The following SMUG1 variants were observed in gnomAD, a reference collection of about 807,000 sequenced individuals.
The protein encoded by SMUG1 is single-strand-selective monofunctional uracil-DNA glycosylase 1, also known as single-strand selective monofunctional uracil DNA glycosylase.
SMUG1 carries 13 observed loss-of-function variants against 23.9 expected under a neutral mutation model. The ratio of observed to expected loss-of-function variants is 0.54; its 90% CI spans 0.35 to 0.86. SMUG1 has a LOEUF of 0.86. SMUG1 is among the 40% of genes least tolerant of loss of function. SMUG1 has a pLI of 0.01. For missense variants in SMUG1, 313 were observed against 339.5 expected, an observed-to-expected ratio of 0.92 and a Z score of 0.61; for synonymous variants, 133 against 139.8, an observed-to-expected ratio of 0.95 and a Z score of 0.34.
rs774085833 is a variant in SMUG1, at chr12:54,181,602, TAAG to T, written c.*491_*493del. The T allele has an allele frequency of 5.7e-6, 9 of 1,579,614 alleles. No homozygotes were observed. Among genetic ancestry groups the T allele is most frequent in the African/African-American group, 2.7e-5 (2 of 74,646 alleles). On this transcript the variant is annotated 3_prime_UTR_variant, in exon 4 of 4. Coordinates refer to ENST00000682136, the MANE Select transcript of SMUG1 (RefSeq NM_001243787.2). ...CCTCTGATCCAGCTGCAGCCTCCCA[TAAG>T]AAGTTCACTCTTAATTTCATGTCCC...
chr12:54,162,892 A>C (rs1331662186), downstream of SMUG1: 1 of 152,048 alleles, frequency 6.6e-6, no homozygotes, highest in Non-Finnish European at 1.5e-5. Flanking sequence ...TTGCCCAGGG[A>C]TTTATAGTAG....
chr12:54,159,887 C>G (rs1940188669), downstream of SMUG1, among the ~76,000 whole-genome samples: 1 of 152,228 alleles, frequency 6.6e-6, no homozygotes, highest in African/African-American at 2.4e-5. Context: ...CTTGCACTGA[C>G]CAGGGTACAT....
downstream of SMUG1, among the ~76,000 whole-genome samples, chr12:54,179,278 T>G (rs1489330436): frequency 6.6e-6 from 1 of 152,188 alleles, no homozygotes; most frequent in Non-Finnish European, 1.5e-5. Flanking sequence ...CATATATACA[T>G]GTATCATTAG....
At chr12:54,158,901 T>A (rs1940134870) in intron 4 of SMUG1, among the ~76,000 whole-genome samples, 1 of 152,338 alleles carries the variant, frequency 6.6e-6, no homozygotes, top group Admixed American at 6.5e-5. Context: ...TATCCCTGGC[T>A]GCCAGGAAGT....
At chr12:54,185,192 C>T (rs117672383) in intron 2 of SMUG1, among the ~76,000 whole-genome samples, 4,002 of 152,134 alleles carry the variant, frequency 0.026, 77 homozygotes, top group East Asian at 0.086. Flanking sequence ...CCTGTAATCC[C>T]GGCTACTCTG....
At chr12:54,167,512 T>C (rs1484780893) in intron 3 of SMUG1, among the ~76,000 whole-genome samples, 3 of 152,206 alleles carry the variant, frequency 2.0e-5, no homozygotes, top group Non-Finnish European at 4.4e-5. Flanking sequence ...AATCAGTAGA[T>C]GGCAAAGCCT....
downstream of SMUG1, among the ~76,000 whole-genome samples, chr12:54,159,819 C>A (rs1015261874): frequency 1.3e-5 from 2 of 152,158 alleles, no homozygotes; most frequent in Admixed American, 6.5e-5. Flanking sequence ...TGCTGGCAGC[C>A]GTGTGCACTG....
rs781453288 is a variant in SMUG1 at position 54,182,085 on chromosome 12, C to T, written c.*11G>A. 5 of 1,531,480 alleles carry T rather than the reference C, an allele frequency of 3.3e-6. No individual in the cohort carries two copies. The highest frequency in any genetic ancestry group is 2.6e-5 in the South Asian group (2 of 77,086). The allele number at this position is 1,531,480 out of a possible 1,614,324, so 94.9% of individuals were successfully genotyped here. ...GTCTTGAATGTGTCCCATGCAAGGC[C>T]CCAAGGGCACTCATTTCAACAGCAG... On this transcript the variant is annotated 3_prime_UTR_variant, in exon 4 of 4. Coordinates refer to ENST00000682136, the MANE Select transcript of SMUG1 (RefSeq NM_001243787.2).
downstream of SMUG1, among the ~76,000 whole-genome samples, chr12:54,160,146 C>A (rs1940200037): frequency 6.6e-6 from 1 of 152,212 alleles, no homozygotes. Context: ...CCCCAACAGC[C>A]ACAGGTCAAA....
chr12:54,172,032 T>A (rs1368401754), exon 3 of SMUG1: 6 of 453,406 alleles, frequency 1.3e-5, no homozygotes, highest in Non-Finnish European at 2.2e-5. Flanking sequence ...TACCTGATAC[T>A]GCAATCAGCT....
downstream of SMUG1, among the ~76,000 whole-genome samples, chr12:54,176,517 A>ACCCCTCC: frequency 1.3e-5 from 1 of 74,900 alleles, no homozygotes; most frequent in Non-Finnish European, 2.8e-5. Context: ...TCCCCCCCCA[A>ACCCCTCC]AAAAAAAGGC....
Position 54,181,533 on chromosome 12 carries a change from A to T in SMUG1, c.*563T>A. 2.0e-6 allele frequency: 3 copies of T among 1,538,372 alleles called. No homozygotes were observed. Among genetic ancestry groups the T allele is most frequent in the Non-Finnish European group, 2.6e-6 (3 of 1,147,710 alleles). Reference sequence around the variant, plus strand: ...AGTTCCAAGTTTCAAAGCTGGGATGAAAAGCCAGGTCTTCTGACTTGCACT... The same window carrying T: ...AGTTCCAAGTTTCAAAGCTGGGATGTAAAGCCAGGTCTTCTGACTTGCACT... On this transcript the variant is annotated 3_prime_UTR_variant, in exon 4 of 4. Coordinates refer to ENST00000682136, the MANE Select transcript of SMUG1 (RefSeq NM_001243787.2).
intron 3 of SMUG1, among the ~76,000 whole-genome samples, chr12:54,170,463 G>A (rs933860105): frequency 1.3e-5 from 2 of 152,038 alleles, no homozygotes; most frequent in Admixed American, 6.6e-5. Context: ...TCTAGATATG[G>A]GCCAATGAGG....
chr12:54,171,623 G>C (rs534123182), intron 3 of SMUG1, among the ~76,000 whole-genome samples: 19 of 139,754 alleles, frequency 1.4e-4, no homozygotes, highest in African/African-American at 5.1e-4. Flanking sequence ...GGAGGCGGAG[G>C]TTGCAGTGAG....
At chr12:54,158,961 G>A (rs1272826043) in intron 4 of SMUG1, among the ~76,000 whole-genome samples, 2 of 152,170 alleles carry the variant, frequency 1.3e-5, no homozygotes, top group African/African-American at 2.4e-5. Context: ...TGGCCTTGGA[G>A]AAAGGTCATT....
intron 2 of SMUG1, chr12:54,184,194 T>C: frequency 2.6e-6 from 1 of 390,876 alleles, no homozygotes; most frequent in Admixed American, 4.3e-5. Flanking sequence ...CTGGTGAGGA[T>C]AAGCCATAGC....
chr12:54,165,766 T>C (rs1020082064), intron 3 of SMUG1, among the ~76,000 whole-genome samples: 1 of 152,154 alleles, frequency 6.6e-6, no homozygotes, highest in African/African-American at 2.4e-5. Flanking sequence ...GTGAGGATTT[T>C]AAAATGTCCT....
chr12:54,176,298 T>C (rs558997470), downstream of SMUG1, among the ~76,000 whole-genome samples: 4 of 151,214 alleles, frequency 2.6e-5, no homozygotes, highest in South Asian at 4.2e-4. Flanking sequence ...GGTGGGAGGA[T>C]TGCTTGAGTT....
At position 54,182,443 on chromosome 12, in the gene SMUG1, A is replaced by G. The variant is rs775146467; in HGVS notation, c.466T>C (p.Phe156Leu). 36 of 1,614,070 alleles carry G rather than the reference A, an allele frequency of 2.2e-5. No individual in the cohort carries two copies. The highest frequency in any genetic ancestry group is 3.3e-5 in the Admixed American group (2 of 60,018). ...AGATTGTGGACAAAACAGTGATGGA[A>G]GAAGACCTCAGGCTGTCCACAGAGG... ...RNLCGQPEVF[F>L]HHCFVHNLCP... The change falls in exon 4 of 4, where the codon TTC (phenylalanine) becomes CTC (leucine). Residue 156 changes from phenylalanine to leucine, a missense_variant. Transcript: ENST00000682136.
Sources: gnomAD v4.1 joint callset for allele counts (sites outside exome capture counted in the v4.1 genomes callset) on GRCh38, gnomAD v4.1.1 for gene constraint, MANE v1.5 for transcripts, NCBI Gene and HGNC (gene_info 2026-07-23, HGNC 2026-07-21) for gene names.